The following HOOK3 variants were observed in gnomAD, a reference collection of about 807,000 sequenced individuals.
HOOK3 encodes the protein protein Hook homolog 3.
A neutral mutation model predicts 116.3 loss-of-function variants in HOOK3; 24 were observed. That is an observed-to-expected ratio of 0.21 (90% CI 0.15 to 0.29). HOOK3 has a LOEUF of 0.29. Ranked by LOEUF, HOOK3 falls within the 10% of genes least tolerant of loss-of-function variation. The pLI is 1.00. For synonymous variants in HOOK3, 275 were observed against 283.0 expected (o/e 0.97, Z 0.28); for missense variants, 632 against 830.2 (o/e 0.76, Z 2.93).
chr8:43,020,116 C>T lies in HOOK3; in HGVS notation c.*1618C>T, dbSNP rs1809796208. ...TAAAAATCAGTGGTATTTGTTTGTCCTCAGAAGCCGTAGTTGAAGAAAGAT... is the reference window on the plus strand; with the variant it reads ...TAAAAATCAGTGGTATTTGTTTGTCTTCAGAAGCCGTAGTTGAAGAAAGAT... On this transcript the variant is annotated 3_prime_UTR_variant, in exon 22 of 22. Transcript: ENST00000307602. The T allele has an allele frequency of 5.0e-6, 1 of 199,082 alleles. No individual in the cohort carries two copies. The highest frequency in any genetic ancestry group is 6.0e-5 in the Admixed American group (1 of 16,598). 12.3% of individuals were successfully genotyped at this position (199,082 alleles called of 1,614,324 possible).
intron 3 of HOOK3, among the ~76,000 whole-genome samples, chr8:42,928,699 T>C (rs956432686): frequency 6.6e-6 from 1 of 152,192 alleles, no homozygotes; most frequent in Non-Finnish European, 1.5e-5. Flanking sequence ...GAACTTCTTA[T>C]TCTCTATATT....
At chr8:42,995,826 TC>T (rs1248773942) in intron 15 of HOOK3, among the ~76,000 whole-genome samples, 6 of 152,354 alleles carry the variant, frequency 3.9e-5, no homozygotes, top group Admixed American at 6.5e-5. Context: ...AGTTCGTCTG[TC>T]CCTTTCTATT....
At chr8:43,010,999 C>CT (rs1241500996) in intron 19 of HOOK3, among the ~76,000 whole-genome samples, 130 of 145,672 alleles carry the variant, frequency 8.9e-4, no homozygotes, top group Non-Finnish European at 1.0e-3. Context: ...GGTCCATTTT[C>CT]TTTTTTTTTT....
intron 2 of HOOK3, among the ~76,000 whole-genome samples, chr8:42,915,784 C>T (rs972380593): frequency 2.6e-5 from 4 of 152,132 alleles, no homozygotes; most frequent in Admixed American, 6.5e-5. Flanking sequence ...AACCTGTCAG[C>T]GTCATTTGAT....
chr8:43,009,962 TATC>T, intron 18 of HOOK3, among the ~76,000 whole-genome samples: 1 of 152,258 alleles, frequency 6.6e-6, no homozygotes, highest in Non-Finnish European at 1.5e-5. Flanking sequence ...AATGTCTCCA[TATC>T]ATAGCATGTG....
rs182839451 is a variant in HOOK3, at chr8:43,025,290, A to G, written c.*6792A>G. On this transcript the variant is annotated 3_prime_UTR_variant, in exon 22 of 22. Coordinates refer to ENST00000307602, the MANE Select transcript of HOOK3 (RefSeq NM_032410.4). ...TAATACTCTGTAAGACTCGGTTTGC[A>G]TGCTGTGTGTGTTTGCATGAGTATA... 9.5e-6 allele frequency: 2 copies of G among 210,224 alleles called. No homozygotes were observed. Among genetic ancestry groups the G allele is most frequent in the African/African-American group, 4.5e-5 (2 of 44,252 alleles). 13.0% of individuals were successfully genotyped at this position (210,224 alleles called of 1,614,324 possible). A position where few individuals can be genotyped will look rare whatever the true frequency, so the allele number is the denominator to read the frequency against.
intron 5 of HOOK3, among the ~76,000 whole-genome samples, chr8:42,944,729 G>A (rs1808193022): frequency 6.6e-6 from 1 of 152,036 alleles, no homozygotes; most frequent in Non-Finnish European, 1.5e-5. Context: ...TGAGGCAGGA[G>A]AATCACTTGA....
intron 18 of HOOK3, among the ~76,000 whole-genome samples, 182 bp downstream of exon 18, chr8:43,008,111 T>C (rs2042674): frequency 0.13 from 19,512 of 151,986 alleles, 2,127 homozygotes; most frequent in African/African-American, 0.27. Flanking sequence ...CTTTGCCTTT[T>C]GGGTTCTTGC....
intron 15 of HOOK3, among the ~76,000 whole-genome samples, chr8:42,989,908 T>G (rs1225717467): frequency 6.6e-6 from 1 of 152,226 alleles, no homozygotes; most frequent in Non-Finnish European, 1.5e-5. Context: ...TTTTTGCAAA[T>G]GACAGGATTT....
chr8:42,903,757 C>T (rs1807244505), intron 1 of HOOK3, among the ~76,000 whole-genome samples: 1 of 151,196 alleles, frequency 6.6e-6, no homozygotes, highest in African/African-American at 2.4e-5. Context: ...GAGATGAGGA[C>T]ATCCTGGCCA....
chr8:42,902,260 T>C (rs1807204725), intron 1 of HOOK3, among the ~76,000 whole-genome samples: 1 of 150,414 alleles, frequency 6.6e-6, no homozygotes, highest in Non-Finnish European at 1.5e-5. Flanking sequence ...GAAATGTGTA[T>C]TCTCTCTCTC....
At chr8:42,918,292 C>T (rs560351531) in intron 2 of HOOK3, among the ~76,000 whole-genome samples, 10 of 152,004 alleles carry the variant, frequency 6.6e-5, no homozygotes, top group South Asian at 4.2e-4. Flanking sequence ...GAGCTGAGAT[C>T]GCACCATTGC....
At chr8:43,009,390 CAAA>C (rs915555326) in intron 18 of HOOK3, among the ~76,000 whole-genome samples, 3 of 122,504 alleles carry the variant, frequency 2.4e-5, no homozygotes, top group East Asian at 2.3e-4. Flanking sequence ...AGACTGTCTC[CAAA>C]AAAAAAAAGA....
chr8:42,976,396 A>G (rs1052262685), intron 13 of HOOK3, among the ~76,000 whole-genome samples: 1 of 152,080 alleles, frequency 6.6e-6, no homozygotes, highest in Non-Finnish European at 1.5e-5. Context: ...TGTGGGCCCA[A>G]CTACTCAGGA....
chr8:42,982,520 G>A (rs1372968667), intron 13 of HOOK3, 107 bp from the exon 14 acceptor site: 6 of 745,966 alleles, frequency 8.0e-6, no homozygotes, highest in African/African-American at 1.7e-5. Flanking sequence ...TCCTTTACTT[G>A]AAAATGATTT....
At chr8:42,939,319 C>T (rs1185174232) in intron 4 of HOOK3, among the ~76,000 whole-genome samples, 7 of 151,780 alleles carry the variant, frequency 4.6e-5, no homozygotes, top group African/African-American at 1.2e-4. Flanking sequence ...CCTCACCTCC[C>T]GGACGGGGCG....
chr8:43,020,903 C>G lies in HOOK3; in HGVS notation c.*2405C>G, dbSNP rs1586638043. 5.6e-6 allele frequency: 1 copy of G among 179,826 alleles called. No homozygotes were observed. Among genetic ancestry groups the G allele is most frequent in the African/African-American group, 2.4e-5 (1 of 42,152 alleles). The allele number at this position is 179,826 out of a possible 1,614,324, so 11.1% of individuals were successfully genotyped here. ...ATCATCTGAGGTCAGGACTTCCAGACCAGCCTGTCCAACATGGTGAAACTC... is the reference window on the plus strand; with the variant it reads ...ATCATCTGAGGTCAGGACTTCCAGAGCAGCCTGTCCAACATGGTGAAACTC... On this transcript the variant is annotated 3_prime_UTR_variant, in exon 22 of 22. Coordinates refer to ENST00000307602, the MANE Select transcript of HOOK3 (RefSeq NM_032410.4).
chr8:43,013,276 A>G, intron 20 of HOOK3, 53 bp from the exon 21 acceptor site: 1 of 1,439,944 alleles, frequency 6.9e-7, no homozygotes, highest in Non-Finnish European at 9.4e-7. Flanking sequence ...TTTTATTTAT[A>G]TTGAGTTATT....
intron 3 of HOOK3, among the ~76,000 whole-genome samples, chr8:42,929,817 C>T (rs1304137918): frequency 6.6e-6 from 1 of 152,130 alleles, no homozygotes; most frequent in Non-Finnish European, 1.5e-5. Context: ...ACTTTACCCA[C>T]AGAAAACCTA....
Sources: allele counts gnomAD v4.1 joint callset (sites outside exome capture counted in the v4.1 genomes callset), GRCh38; gene constraint gnomAD v4.1.1; transcripts MANE v1.5; gene names NCBI Gene and HGNC (gene_info 2026-07-23, HGNC 2026-07-21).